The following GRIA1 variants were observed in gnomAD, a reference collection of about 807,000 sequenced individuals.
GRIA1 encodes glutamate receptor 1.
Under a neutral mutation model 99.2 loss-of-function variants are expected in GRIA1, and 31 were observed. The observed-to-expected ratio is 0.31, with a 90% confidence interval of 0.23 to 0.42. GRIA1 has a LOEUF of 0.42. Among genes scored for constraint, GRIA1 ranks in the 10% least tolerant of loss-of-function variants. GRIA1 has a pLI of 1.00. For missense variants in GRIA1, 782 were observed against 1,157.5 expected (o/e 0.68, Z 4.71); for synonymous variants, 438 against 432.4 (o/e 1.01, Z -0.16).
chr5:153,686,150 C>A (rs866793346), intron 7 of GRIA1, 75 bp from the exon 8 acceptor site: 1 of 1,073,834 alleles, frequency 9.3e-7, no homozygotes, highest in African/African-American at 1.5e-5. Flanking sequence ...TTCTGAATTT[C>A]TACTTCAGTG....
intron 2 of GRIA1, among the ~76,000 whole-genome samples, chr5:153,547,919 G>T (rs1391998328): frequency 6.6e-6 from 1 of 152,110 alleles, no homozygotes. Context: ...CTAGGTATAG[G>T]TCAGATATAA....
Position 153,727,094 on chromosome 5 carries a change from C to A in GRIA1, c.1823+21027C>A, listed in dbSNP as rs373577807. 3.8e-3 allele frequency among the ~76,000 whole-genome samples: 581 copies of A among 152,016 alleles called. 7 individuals are homozygous for A. The highest frequency in any genetic ancestry group is 0.013 in the African/African-American group (525 of 41,460). Reference sequence around the variant, plus strand: ...AGGCTGGTTCAATATATGCAAATCACTAAATGTAATCCAGCATATAAACAG... The same window carrying A: ...AGGCTGGTTCAATATATGCAAATCAATAAATGTAATCCAGCATATAAACAG... On this transcript the variant is annotated intron_variant, in intron 11 of 15. Transcript: ENST00000285900.
chr5:153,711,117 A>G (rs1759283435), intron 11 of GRIA1, among the ~76,000 whole-genome samples: 1 of 152,208 alleles, frequency 6.6e-6, no homozygotes, highest in Non-Finnish European at 1.5e-5. Flanking sequence ...TGGAGGAAGA[A>G]GCAGAGGCCT....
At chr5:153,553,868 G>A (rs1760374525) in intron 2 of GRIA1, among the ~76,000 whole-genome samples, 1 of 152,140 alleles carries the variant, frequency 6.6e-6, no homozygotes. Context: ...CCTATCATCT[G>A]ATGGTTGCCT....
chr5:153,557,193 A>G (rs529719061), intron 2 of GRIA1, among the ~76,000 whole-genome samples: 37 of 152,260 alleles, frequency 2.4e-4, no homozygotes, highest in African/African-American at 8.9e-4. Flanking sequence ...CTAGGACATT[A>G]CTATGCACTA....
intron 2 of GRIA1, among the ~76,000 whole-genome samples, chr5:153,544,733 G>A (rs1021047395): frequency 2.4e-4 from 37 of 152,156 alleles, no homozygotes; most frequent in South Asian, 8.3e-4. Flanking sequence ...AAGCCGAGAG[G>A]AAAAGATAGC....
chr5:153,786,355 A>C (rs1307913710), intron 13 of GRIA1, among the ~76,000 whole-genome samples: 2 of 151,894 alleles, frequency 1.3e-5, no homozygotes, highest in African/African-American at 4.8e-5. Flanking sequence ...CACTCCCTAA[A>C]GGTTTTCTAA....
chr5:153,561,505 G>A (rs910575485), intron 2 of GRIA1, among the ~76,000 whole-genome samples: 1 of 152,164 alleles, frequency 6.6e-6, no homozygotes, highest in African/African-American at 2.4e-5. Flanking sequence ...GTAGAGCCTG[G>A]ACAAGTGTCT....
intron 2 of GRIA1, among the ~76,000 whole-genome samples, chr5:153,512,743 C>T (rs552788670): frequency 7.9e-5 from 12 of 152,280 alleles, no homozygotes; most frequent in African/African-American, 2.6e-4. Flanking sequence ...CTCCAGCATC[C>T]GTTGAATAGC....
intron 11 of GRIA1, among the ~76,000 whole-genome samples, chr5:153,724,659 GA>G (rs1760365787): frequency 6.6e-6 from 1 of 151,962 alleles, no homozygotes; most frequent in South Asian, 2.1e-4. Context: ...GATGGAAGAT[GA>G]AATGAATGAA....
At chr5:153,494,135 G>A (rs1286159179) in intron 2 of GRIA1, 70 bp downstream of exon 2, 6 of 1,525,772 alleles carry the variant, frequency 3.9e-6, no homozygotes, top group South Asian at 1.2e-5. Flanking sequence ...CTGTGGGTAG[G>A]TGGTGGTGTT....
At chr5:153,669,720 C>T (rs1013469257) in intron 5 of GRIA1, among the ~76,000 whole-genome samples, 1 of 152,126 alleles carries the variant, frequency 6.6e-6, no homozygotes, top group Non-Finnish European at 1.5e-5. Flanking sequence ...ATAGAAGTAA[C>T]TATTTTAAAC....
chr5:153,550,965 G>T (rs1312852697), intron 2 of GRIA1, among the ~76,000 whole-genome samples: 2 of 152,116 alleles, frequency 1.3e-5, no homozygotes, highest in African/African-American at 2.4e-5. Context: ...TGTATACAAT[G>T]AATTTATATT....
intron 11 of GRIA1, among the ~76,000 whole-genome samples, chr5:153,732,974 T>C (rs2149561566): frequency 6.6e-6 from 1 of 151,100 alleles, no homozygotes; most frequent in African/African-American, 2.4e-5. Flanking sequence ...TCCAAGACCA[T>C]TTATTGAAAA....
Position 153,619,843 on chromosome 5 carries a change from A to T in GRIA1, c.221-27085A>T, listed in dbSNP as rs2963955. Among the ~76,000 whole-genome samples, 808 of 152,320 alleles carry T rather than the reference A, an allele frequency of 5.3e-3. 2 individuals carry two copies. The highest frequency in any genetic ancestry group is 0.01 in the Admixed American group (154 of 15,306). ...CTAAACTTAAAGAGTCAGGAAATGG[A>T]TGCTCAAGTGTTGTTGCTGCCTCTG... is the stretch of plus-strand genomic sequence containing the variant. On this transcript the variant is annotated intron_variant, in intron 2 of 15. Coordinates refer to ENST00000285900, the MANE Select transcript of GRIA1 (RefSeq NM_000827.4).
chr5:153,675,467 G>T (rs1191498425), intron 6 of GRIA1, among the ~76,000 whole-genome samples: 1 of 152,196 alleles, frequency 6.6e-6, no homozygotes, highest in Non-Finnish European at 1.5e-5. Context: ...GAGAATGCTT[G>T]GGAATAAGGA....
At chr5:153,709,949 A>G (rs949409257) in intron 11 of GRIA1, among the ~76,000 whole-genome samples, 2 of 152,158 alleles carry the variant, frequency 1.3e-5, no homozygotes, top group African/African-American at 2.4e-5. Flanking sequence ...CCTAAAATCA[A>G]TGTTTTCTGC....
At chr5:153,809,648 TCAAAAG>T (rs1561878906) in intron 15 of GRIA1, among the ~76,000 whole-genome samples, 1 of 152,192 alleles carries the variant, frequency 6.6e-6, no homozygotes, top group Non-Finnish European at 1.5e-5. Flanking sequence ...TTAGACAAAT[TCAAAAG>T]CATCATTATG....
At chr5:153,729,273 T>C (rs542167468) in intron 11 of GRIA1, among the ~76,000 whole-genome samples, 4 of 151,998 alleles carry the variant, frequency 2.6e-5, no homozygotes, top group Admixed American at 2.6e-4. Flanking sequence ...TTAGGAGATA[T>C]ACCTAATGCT....
Sources: allele counts gnomAD v4.1 joint callset (sites outside exome capture counted in the v4.1 genomes callset), GRCh38; gene constraint gnomAD v4.1.1; transcripts MANE v1.5; gene names NCBI Gene and HGNC (gene_info 2026-07-23, HGNC 2026-07-21).